Variants in CACNA1S observed in about 807,000 individuals in gnomAD.
CACNA1S encodes calcium voltage-gated channel subunit alpha1 S.
In CACNA1S, 126 loss-of-function variants were observed where a neutral mutation model predicts 207.4. The ratio of observed to expected loss-of-function variants is 0.61; its 90% confidence interval spans 0.53 to 0.70. The LOEUF (loss-of-function observed/expected upper bound fraction) is 0.70, where lower values mean the gene tolerates loss of function less well. CACNA1S is among the 30% of genes least tolerant of loss of function. The pLI is 0.00. For synonymous variants in CACNA1S, 960 were observed against 932.7 expected (o/e 1.03, Z -0.53); for missense variants, 2,349 against 2,422.8 (o/e 0.97, Z 0.64).
At chr1:201,099,407 G>C (rs1036554078) in intron 2 of CACNA1S, among the ~76,000 whole-genome samples, 2 of 152,172 alleles carry the variant, frequency 1.3e-5, no homozygotes, top group Non-Finnish European at 2.9e-5. Context: ...AGTGGCTGCA[G>C]TTGAAGGGCT....
In CACNA1S at chr1:201,043,538, G is replaced by A. The variant is rs753513483; in HGVS notation, c.4798-7C>T. The A allele has an allele frequency of 1.4e-5, 22 of 1,613,850 alleles. No homozygotes were observed. In the South Asian group the frequency reaches 2.0e-4, roughly 14 times the overall value. Reference sequence around the variant, plus strand: ...CAAACAGGCCTCCAGTCCTCTAGGGGCAAGGAGAAGAGCAGTGACTGGGGG... The same window carrying A: ...CAAACAGGCCTCCAGTCCTCTAGGGACAAGGAGAAGAGCAGTGACTGGGGG... On this transcript the variant is annotated splice_polypyrimidine_tract_variant and splice_region_variant and intron_variant, in intron 39 of 43. Transcript: ENST00000362061.
chr1:201,083,471 G>A (rs954324189), intron 9 of CACNA1S, 149 bp from the exon 10 acceptor site: 29 of 744,848 alleles, frequency 3.9e-5, no homozygotes, highest in Middle Eastern at 7.0e-4. Flanking sequence ...ATGAGCTAGG[G>A]AGCCAGACTG....
At chr1:201,079,586 A>G (rs1661769165) in intron 10 of CACNA1S, among the ~76,000 whole-genome samples, 1 of 131,244 alleles carries the variant, frequency 7.6e-6, no homozygotes, top group South Asian at 2.3e-4. Context: ...GTCCTGACTG[A>G]AAATCGCAGA....
chr1:201,110,562 G>T (rs964673744), intron 1 of CACNA1S, among the ~76,000 whole-genome samples: 1 of 152,200 alleles, frequency 6.6e-6, no homozygotes, highest in Non-Finnish European at 1.5e-5. Flanking sequence ...TTAAGGCCTA[G>T]GGGGTCTTCA....
chr1:201,073,713 T>C (rs548300867), intron 14 of CACNA1S, 71 bp from the exon 15 acceptor site: 1 of 1,201,074 alleles, frequency 8.3e-7, no homozygotes, highest in African/African-American at 1.5e-5. Context: ...TGACAACACC[T>C]TCAGGAGGAT....
chr1:201,080,731 A>AG (rs34408256), intron 10 of CACNA1S, among the ~76,000 whole-genome samples: 45,831 of 149,726 alleles, frequency 0.31, 8,204 homozygotes, highest in Non-Finnish European at 0.42. Context: ...TTTGGTTTGC[A>AG]GTTTTTTTTT....
chr1:201,093,639 G>A (rs957996768), intron 3 of CACNA1S, among the ~76,000 whole-genome samples: 1 of 152,182 alleles, frequency 6.6e-6, no homozygotes, highest in Non-Finnish European at 1.5e-5. Flanking sequence ...GAGGATAATG[G>A]AATTTATAGC....
intron 10 of CACNA1S, among the ~76,000 whole-genome samples, chr1:201,080,012 G>A (rs144622978): frequency 3.3e-4 from 50 of 152,264 alleles, no homozygotes; most frequent in African/African-American, 1.1e-3. Context: ...CCAGCTGAAG[G>A]TTCAGCAGGA....
chr1:201,068,868 CTAAAAAGAAAAAA>C (rs1661350210), intron 19 of CACNA1S, among the ~76,000 whole-genome samples: 1 of 151,994 alleles, frequency 6.6e-6, no homozygotes, highest in Non-Finnish European at 1.5e-5. Flanking sequence ...GAGACGACAT[CTAAAAAGAAAAAA>C]TAAAAAGAAA....
chr1:201,081,923 A>C (rs1661856272), intron 10 of CACNA1S, among the ~76,000 whole-genome samples: 1 of 151,556 alleles, frequency 6.6e-6, no homozygotes, highest in Admixed American at 6.6e-5. Flanking sequence ...GCTTTCCAAG[A>C]CCTCCTCAGA....
chr1:201,065,602 T>C (rs746868549), intron 22 of CACNA1S, among the ~76,000 whole-genome samples: 16 of 152,358 alleles, frequency 1.1e-4, no homozygotes, highest in East Asian at 1.9e-4. Context: ...GAGATTATCA[T>C]TGGGCTGCTT....
At chr1:201,090,982 A>T (rs1406730704) in intron 5 of CACNA1S, among the ~76,000 whole-genome samples, 1 of 152,198 alleles carries the variant, frequency 6.6e-6, no homozygotes, top group African/African-American at 2.4e-5. Context: ...TTTAAAAGTG[A>T]ATTAATAAAT....
At chr1:201,106,283 A>G (rs1034196581) in intron 2 of CACNA1S, among the ~76,000 whole-genome samples, 3 of 151,734 alleles carry the variant, frequency 2.0e-5, no homozygotes, top group Non-Finnish European at 2.9e-5. Context: ...TCCTGCCTGG[A>G]TGACTTCCCT....
chr1:201,047,358 T>G (rs536780125), intron 37 of CACNA1S, 119 bp from the exon 38 acceptor site: 3 of 1,431,960 alleles, frequency 2.1e-6, no homozygotes, highest in East Asian at 2.3e-5. Flanking sequence ...CTTGCTGACT[T>G]GGTCACTGGG....
intron 40 of CACNA1S, among the ~76,000 whole-genome samples, chr1:201,042,328 C>T (rs144620002): frequency 1.6e-4 from 24 of 152,154 alleles, no homozygotes; most frequent in African/African-American, 4.3e-4. Flanking sequence ...AGTAGAGACA[C>T]GGTTTCTCCA....
In CACNA1S at chr1:201,089,275, T is replaced by C; in HGVS notation, c.883A>G (p.Thr295Ala). Residue 295 changes from threonine to alanine, a missense_variant, in exon 6 of 44, where the codon ACT becomes GCT. Thr to Ala is a moderately conservative substitution (Grantham distance 58, BLOSUM62 0). Transcript: ENST00000362061. Reference protein sequence around the residue: ...VYQCITMEGWTDVLYWVNDAI... With the variant: ...VYQCITMEGWADVLYWVNDAI... ...AGACCCACCCAGTAAAGGACGTCAG[T>C]CCATCCCTCCATGGTAATGCACTGG... is the stretch of plus-strand genomic sequence containing the variant. The C allele has an allele frequency of 6.2e-7, 1 of 1,614,236 alleles. No homozygotes were observed. The highest frequency in any genetic ancestry group is 1.7e-5 in the Admixed American group (1 of 60,030).
intron 25 of CACNA1S, 33 bp downstream of exon 25, chr1:201,061,234 C>T: frequency 6.3e-7 from 1 of 1,598,022 alleles, no homozygotes; most frequent in Non-Finnish European, 8.6e-7. Context: ...TGCTGGAGCT[C>T]TGCCCTCCAC....
chr1:201,098,668 A>C (rs1662525735), intron 2 of CACNA1S, among the ~76,000 whole-genome samples: 1 of 152,198 alleles, frequency 6.6e-6, no homozygotes, highest in Non-Finnish European at 1.5e-5. Flanking sequence ...AACCAGGTGC[A>C]GCCTTGGGAT....
intron 33 of CACNA1S, 46 bp downstream of exon 33, chr1:201,050,938 G>A (rs1350678191): frequency 6.2e-7 from 1 of 1,603,922 alleles, no homozygotes; most frequent in South Asian, 1.1e-5. Flanking sequence ...CCATGCCTCA[G>A]CTTATCAAAG....
Sources: gnomAD v4.1 joint callset for allele counts (sites outside exome capture counted in the v4.1 genomes callset) on GRCh38, gnomAD v4.1.1 for gene constraint, MANE v1.5 for transcripts, NCBI Gene and HGNC (gene_info 2026-07-23, HGNC 2026-07-21) for gene names.